SNCAIP: variants seen among roughly 807,000 people sequenced by gnomAD.
SNCAIP encodes the protein synuclein alpha interacting protein, also known as synphilin-1.
A neutral mutation model predicts 86.7 loss-of-function variants in SNCAIP; 43 were observed. The ratio of observed to expected loss-of-function variants is 0.50; its 90% CI spans 0.39 to 0.64. The LOEUF is 0.64. Among genes scored for constraint, SNCAIP ranks in the 30% least tolerant of loss-of-function variants. SNCAIP has a pLI of 0.00. For synonymous variants in SNCAIP, 417 were observed against 427.2 expected (o/e 0.98, Z 0.29); for missense variants, 981 against 1,103.1 (o/e 0.89, Z 1.57).
intron 1 of SNCAIP, among the ~76,000 whole-genome samples, chr5:122,329,351 G>T (rs1429036568): frequency 6.6e-6 from 1 of 151,134 alleles, no homozygotes; most frequent in Non-Finnish European, 1.5e-5. Context: ...GAATTAAAAA[G>T]AGGTTAATTA....
chr5:122,439,070 A>G (rs955552333), intron 6 of SNCAIP, among the ~76,000 whole-genome samples: 3 of 152,232 alleles, frequency 2.0e-5, no homozygotes, highest in Non-Finnish European at 4.4e-5. Context: ...ATGTCCAATT[A>G]AAAGTAATCC....
At chr5:122,349,312 G>A (rs1759296387) in intron 1 of SNCAIP, among the ~76,000 whole-genome samples, 1 of 152,096 alleles carries the variant, frequency 6.6e-6, no homozygotes, top group South Asian at 2.1e-4. Flanking sequence ...AAAATCCCAG[G>A]GCTGTAGAGA....
intron 1 of SNCAIP, among the ~76,000 whole-genome samples, chr5:122,377,730 C>T (rs1765676042): frequency 7.0e-6 from 1 of 142,620 alleles, no homozygotes; most frequent in African/African-American, 2.6e-5. Context: ...TGATATTCCC[C>T]TTCCTGTGCC....
intron 10 of SNCAIP, among the ~76,000 whole-genome samples, chr5:122,457,579 C>T (rs945301942): frequency 1.3e-5 from 2 of 152,038 alleles, no homozygotes; most frequent in African/African-American, 4.8e-5. Flanking sequence ...TGTCTGTGTC[C>T]CCACCCAACC....
At chr5:122,427,391 AT>A (rs1777586761) in intron 5 of SNCAIP, among the ~76,000 whole-genome samples, 1 of 144,166 alleles carries the variant, frequency 6.9e-6, no homozygotes, top group East Asian at 2.0e-4. Flanking sequence ...TTTTTTTTTC[AT>A]TTTAATGAAA....
intron 3 of SNCAIP, among the ~76,000 whole-genome samples, chr5:122,408,541 T>C (rs1468241793): frequency 2.0e-5 from 3 of 152,222 alleles, no homozygotes; most frequent in Non-Finnish European, 2.9e-5. Flanking sequence ...AGCTAGAAGC[T>C]TTGATTCCTA....
chr5:122,462,979 C>G (rs549642809), intron 10 of SNCAIP, among the ~76,000 whole-genome samples: 23 of 152,272 alleles, frequency 1.5e-4, no homozygotes, highest in African/African-American at 5.3e-4. Context: ...GCATATTGTT[C>G]TTTAGCTTTT....
intron 10 of SNCAIP, among the ~76,000 whole-genome samples, chr5:122,461,116 G>C (rs917385074): frequency 2.0e-5 from 3 of 152,070 alleles, no homozygotes; most frequent in Non-Finnish European, 4.4e-5. Flanking sequence ...TTACCAGATT[G>C]AGTGTTTGAC....
intron 10 of SNCAIP, among the ~76,000 whole-genome samples, chr5:122,461,220 C>A (rs543771761): frequency 6.6e-6 from 1 of 152,094 alleles, no homozygotes. Context: ...TGTTGAGAAG[C>A]CCTATTCTTC....
intron 10 of SNCAIP, among the ~76,000 whole-genome samples, chr5:122,461,803 A>G (rs1213581609): frequency 3.3e-5 from 5 of 151,290 alleles, no homozygotes; most frequent in African/African-American, 7.3e-5. Flanking sequence ...CTCAGCCTCC[A>G]TAACTGGGAC....
intron 1 of SNCAIP, among the ~76,000 whole-genome samples, chr5:122,373,024 T>C (rs755021212): frequency 6.6e-6 from 1 of 152,206 alleles, no homozygotes; most frequent in Non-Finnish European, 1.5e-5. Context: ...CATTTTGTTA[T>C]TTTGAAATCT....
chr5:122,351,665 C>T (rs1256080641), intron 1 of SNCAIP, among the ~76,000 whole-genome samples: 1 of 151,422 alleles, frequency 6.6e-6, no homozygotes, highest in African/African-American at 2.4e-5. Context: ...CATTAGGACC[C>T]AGACAAGCCT....
At chr5:122,439,835 C>T (rs1445600217) in intron 6 of SNCAIP, among the ~76,000 whole-genome samples, 2 of 152,184 alleles carry the variant, frequency 1.3e-5, no homozygotes, top group Non-Finnish European at 2.9e-5. Context: ...TCCCATCCCC[C>T]TGCTTTCTCC....
intron 1 of SNCAIP, among the ~76,000 whole-genome samples, chr5:122,379,817 G>T (rs1263286325): frequency 1.4e-5 from 2 of 147,662 alleles, no homozygotes; most frequent in African/African-American, 5.0e-5. Flanking sequence ...TTTGTCTTTG[G>T]CTCTGTTTAT....
At chr5:122,355,142 C>A (rs919682943) in intron 1 of SNCAIP, among the ~76,000 whole-genome samples, 1 of 152,170 alleles carries the variant, frequency 6.6e-6, no homozygotes, top group Non-Finnish European at 1.5e-5. Context: ...CAAAGACTTT[C>A]CTATTGCATG....
At chr5:122,322,710 G>A (rs1753214272) in intron 1 of SNCAIP, among the ~76,000 whole-genome samples, 1 of 152,138 alleles carries the variant, frequency 6.6e-6, no homozygotes, top group Non-Finnish European at 1.5e-5. Flanking sequence ...TTGAGGGTGA[G>A]GTAGCTTGCC....
chr5:122,342,931 A>G (rs1302863584), intron 1 of SNCAIP, among the ~76,000 whole-genome samples: 2 of 152,266 alleles, frequency 1.3e-5, no homozygotes, highest in Admixed American at 1.3e-4. Flanking sequence ...CAATTGATAT[A>G]TGAAATGCTA....
Position 122,423,171 on chromosome 5 carries a change from A to C in SNCAIP, c.434A>C (p.His145Pro). The change falls in exon 4 of 11, where the codon CAC becomes CCC. Residue 145 changes from histidine to proline, a missense_variant. By Grantham distance (77) the His-to-Pro change is moderately conservative. Coordinates refer to ENST00000261368, the MANE Select transcript of SNCAIP (RefSeq NM_005460.4). The stretch of plus-strand genomic sequence containing the variant: ...AGCACATCGCTGGGTGAACTGGAGC[A>C]CTACGACCTCGACATGGATGAGATT... ...EPSTSLGELE[H>P]YDLDMDEILD... is the part of the protein sequence containing the mutation. 6.2e-7 allele frequency: 1 copy of C among 1,614,174 alleles called. No individual in the cohort carries two copies. Among genetic ancestry groups the C allele is most frequent in the Non-Finnish European group, 8.5e-7 (1 of 1,180,026 alleles).
At chr5:122,362,295 G>A (rs930820228) in intron 1 of SNCAIP, among the ~76,000 whole-genome samples, 1 of 152,162 alleles carries the variant, frequency 6.6e-6, no homozygotes, top group African/African-American at 2.4e-5. Context: ...AGGTGATGGA[G>A]TAGAAATTTC....
Sources: allele counts gnomAD v4.1 joint callset (sites outside exome capture counted in the v4.1 genomes callset), GRCh38; gene constraint gnomAD v4.1.1; transcripts MANE v1.5; gene names NCBI Gene and HGNC (gene_info 2026-07-23, HGNC 2026-07-21).